The following ARHGAP17 variants were observed in gnomAD, a reference collection of about 807,000 sequenced individuals.
ARHGAP17 encodes the protein rho GTPase-activating protein 17.
A neutral mutation model predicts 99.5 loss-of-function variants in ARHGAP17; 57 were observed. The observed-to-expected ratio is 0.57, with a 90% confidence interval of 0.46 to 0.71. The LOEUF (loss-of-function observed/expected upper bound fraction) is 0.71. Ranked by LOEUF, ARHGAP17 falls within the 30% of genes least tolerant of loss-of-function variation. The pLI, the probability that ARHGAP17 is intolerant of heterozygous loss-of-function variation, is 0.00. For synonymous variants in ARHGAP17, 417 were observed against 429.6 expected, an observed-to-expected ratio of 0.97 and a Z score of 0.36; for missense variants, 1,000 against 1,122.4, an observed-to-expected ratio of 0.89 and a Z score of 1.56.
At chr16:24,938,839 C>T (rs2051222283) in intron 17 of ARHGAP17, among the ~76,000 whole-genome samples, 1 of 151,284 alleles carries the variant, frequency 6.6e-6, no homozygotes, top group African/African-American at 2.4e-5. Flanking sequence ...ACTCATGGAT[C>T]AACTGCCCTA....
At chr16:24,999,743 C>T (rs1423574173) in intron 1 of ARHGAP17, among the ~76,000 whole-genome samples, 2 of 152,180 alleles carry the variant, frequency 1.3e-5, no homozygotes, top group Non-Finnish European at 2.9e-5. Flanking sequence ...ATTGTTCTTT[C>T]TCCACATTTT....
In ARHGAP17 at chr16:25,015,196, C is replaced by T. The variant is rs1341527766; in HGVS notation, c.53+13G>A. ...AGCCCCGGTGCGACCCCCGTGCTGC[C>T]CGGCGCACTCGCCTGCCCACGGTCT... On this transcript the variant is annotated intron_variant, in intron 1 of 19. Transcript: ENST00000289968. The T allele has an allele frequency of 8.4e-6, 11 of 1,317,298 alleles. No homozygotes were observed. The highest frequency in any genetic ancestry group is 1.1e-5 in the Non-Finnish European group (11 of 1,026,756). The allele number at this position is 1,317,298 out of a possible 1,614,324, so 81.6% of individuals were successfully genotyped here. A position where few individuals can be genotyped will look rare whatever the true frequency, so the allele number is the denominator to read the frequency against.
At chr16:24,986,973 C>T (rs771828945) in intron 1 of ARHGAP17, among the ~76,000 whole-genome samples, 1 of 152,226 alleles carries the variant, frequency 6.6e-6, no homozygotes, top group Non-Finnish European at 1.5e-5. Context: ...CCTGCACCTA[C>T]GCACCTCCAT....
At chr16:24,959,825 A>C (rs2051929460) in intron 8 of ARHGAP17, 73 bp from the exon 9 acceptor site, 3 of 1,604,414 alleles carry the variant, frequency 1.9e-6, no homozygotes, top group Non-Finnish European at 1.7e-6. Flanking sequence ...TGGCTGAGCA[A>C]AACTAAAAAT....
At chr16:24,942,251 C>A in intron 15 of ARHGAP17, 108 bp from the exon 16 acceptor site, 1 of 1,135,868 alleles carries the variant, frequency 8.8e-7, no homozygotes, top group African/African-American at 1.6e-5. Context: ...GTCCACAGCC[C>A]TCACTATTTC....
intron 12 of ARHGAP17, among the ~76,000 whole-genome samples, chr16:24,950,146 C>A (rs1044497519): frequency 2.6e-5 from 4 of 152,166 alleles, no homozygotes; most frequent in African/African-American, 9.7e-5. Context: ...AGAACAGAAC[C>A]ATTCTGGAGA....
At position 24,970,553 on chromosome 16, in the gene ARHGAP17, G is replaced by C; in HGVS notation, c.226C>G (p.Gln76Glu). ...HKKLPLTALAQNMQEASTQLE... is the reference protein window; with the variant it reads ...HKKLPLTALAENMQEASTQLE... ...TGAGTCGATGCTTCTTGCATATTTTGAGCAAGAGCTGTCAGAGGCAGTTTT... is the reference window on the plus strand; with the variant it reads ...TGAGTCGATGCTTCTTGCATATTTTCAGCAAGAGCTGTCAGAGGCAGTTTT... Residue 76 changes from glutamine (Q) to glutamate (E), a missense_variant, in exon 4 of 20, where the codon CAA (glutamine) becomes GAA (glutamate). Physicochemically the swap from Gln to Glu is conservative, Grantham distance 29. Coordinates refer to ENST00000289968, the MANE Select transcript of ARHGAP17 (RefSeq NM_001006634.3). 1 of 1,614,162 alleles carries C rather than the reference G, an allele frequency of 6.2e-7. No homozygotes were observed. Among genetic ancestry groups the C allele is most frequent in the African/African-American group, 1.3e-5 (1 of 75,048 alleles).
intron 1 of ARHGAP17, among the ~76,000 whole-genome samples, chr16:25,013,081 G>C (rs944560826): frequency 1.5e-4 from 23 of 152,200 alleles, no homozygotes; most frequent in African/African-American, 4.8e-4. Context: ...GGCAGTCACA[G>C]CACAGAAAAG....
At chr16:24,968,285 G>C (rs1239869239) in intron 6 of ARHGAP17, 66 bp downstream of exon 6, 2 of 1,562,408 alleles carry the variant, frequency 1.3e-6, no homozygotes, top group South Asian at 1.1e-5. Context: ...TGTGTCCACT[G>C]TCAGTGGTCT....
At chr16:24,977,967 A>G (rs543803761) in intron 2 of ARHGAP17, among the ~76,000 whole-genome samples, 1 of 152,336 alleles carries the variant, frequency 6.6e-6, no homozygotes, top group Non-Finnish European at 1.5e-5. Flanking sequence ...AACAGAATAC[A>G]TTTGACCCCA....
chr16:24,982,931 G>A (rs755143454), intron 1 of ARHGAP17, among the ~76,000 whole-genome samples: 1 of 131,230 alleles, frequency 7.6e-6, no homozygotes, highest in African/African-American at 2.9e-5. Context: ...AGTAGACAAA[G>A]TGATCCAATC....
intron 1 of ARHGAP17, among the ~76,000 whole-genome samples, chr16:25,010,082 CT>C (rs1194435119): frequency 4.6e-4 from 67 of 145,228 alleles, no homozygotes; most frequent in Admixed American, 4.1e-4. Flanking sequence ...TCTTTTTTTT[CT>C]TTTTTTTTTT....
intron 3 of ARHGAP17, among the ~76,000 whole-genome samples, chr16:24,973,838 A>AAT (rs2052438392): frequency 6.6e-6 from 1 of 152,200 alleles, no homozygotes; most frequent in Non-Finnish European, 1.5e-5. Context: ...GTTTCTATTG[A>AAT]ATATATGTCT....
intron 9 of ARHGAP17, among the ~76,000 whole-genome samples, chr16:24,958,817 G>A (rs1269312247): frequency 6.6e-6 from 1 of 152,102 alleles, no homozygotes; most frequent in Non-Finnish European, 1.5e-5. Context: ...CTCAGCACCT[G>A]GCCTGATCCC....
intron 16 of ARHGAP17, chr16:24,939,891 T>C (rs892116407): frequency 4.9e-6 from 2 of 411,078 alleles, no homozygotes; most frequent in African/African-American, 4.1e-5. Flanking sequence ...AGTGTGTTTA[T>C]CCCCATACTT....
chr16:24,970,579 T>C lies in ARHGAP17; in HGVS notation c.200A>G (p.Lys67Arg), dbSNP rs1381594209. 1.9e-6 allele frequency: 3 copies of C among 1,613,720 alleles called. No homozygotes were observed. Among genetic ancestry groups the C allele is most frequent in the Non-Finnish European group, 2.5e-6 (3 of 1,179,562 alleles). ...QHGTDAERRH[K>R]KLPLTALAQN... is the part of the protein sequence containing the mutation. Reference sequence around the variant, plus strand: ...AGCAAGAGCTGTCAGAGGCAGTTTTTTCTGGAAGATAGAAGACAGTGTGTG... The same window carrying C: ...AGCAAGAGCTGTCAGAGGCAGTTTTCTCTGGAAGATAGAAGACAGTGTGTG... The change falls in exon 4 of 20, where the codon AAA becomes AGA. Residue 67 changes from lysine (K) to arginine (R), a missense_variant and splice_region_variant. Transcript: ENST00000289968.
chr16:24,950,724 C>A (rs1250065426), intron 12 of ARHGAP17, among the ~76,000 whole-genome samples: 2 of 150,994 alleles, frequency 1.3e-5, no homozygotes, highest in Non-Finnish European at 2.9e-5. Context: ...GTAATCCCAG[C>A]TACTCAGGAG....
At chr16:24,951,487 T>G (rs1461773782) in intron 12 of ARHGAP17, among the ~76,000 whole-genome samples, 1 of 152,212 alleles carries the variant, frequency 6.6e-6, no homozygotes, top group African/African-American at 2.4e-5. Context: ...TGCAAATTTT[T>G]CAATAAACAT....
At chr16:24,980,250 C>T (rs1175468582) in intron 1 of ARHGAP17, among the ~76,000 whole-genome samples, 1 of 152,194 alleles carries the variant, frequency 6.6e-6, no homozygotes, top group African/African-American at 2.4e-5. Context: ...AAGAAGCGCA[C>T]AGCTCCTCCA....
Sources: gnomAD v4.1 joint callset for allele counts (sites outside exome capture counted in the v4.1 genomes callset) on GRCh38, gnomAD v4.1.1 for gene constraint, MANE v1.5 for transcripts, NCBI Gene and HGNC (gene_info 2026-07-23, HGNC 2026-07-21) for gene names.